RGL1: variants seen among roughly 807,000 people sequenced by gnomAD.
The protein encoded by RGL1 is ral guanine nucleotide dissociation stimulator like 1, also known as ral guanine nucleotide dissociation stimulator-like 1.
Under a neutral mutation model 95.2 loss-of-function variants are expected in RGL1, and 24 were observed. The ratio of observed to expected loss-of-function variants is 0.25; its 90% CI spans 0.18 to 0.35. The LOEUF is 0.35. RGL1 is among the 10% of genes least tolerant of loss of function. The pLI, the probability that RGL1 is intolerant of heterozygous loss-of-function variation, is 1.00. For synonymous variants in RGL1, 329 were observed against 344.9 expected, an observed-to-expected ratio of 0.95 and a Z score of 0.51; for missense variants, 715 against 936.3, an observed-to-expected ratio of 0.76 and a Z score of 3.08.
chr1:183,911,499 C>G (rs774761240), intron 14 of RGL1, among the ~76,000 whole-genome samples: 1 of 152,220 alleles, frequency 6.6e-6, no homozygotes, highest in African/African-American at 2.4e-5. Flanking sequence ...TCCCACTCCC[C>G]CACCAGAGCA....
intron 2 of RGL1, among the ~76,000 whole-genome samples, chr1:183,763,352 C>A (rs899481781): frequency 6.6e-6 from 1 of 152,056 alleles, no homozygotes; most frequent in East Asian, 1.9e-4. Flanking sequence ...CAAACCTGCA[C>A]GTTCTGCACA....
intron 1 of RGL1, among the ~76,000 whole-genome samples, chr1:183,656,402 T>C (rs1021110349): frequency 6.6e-6 from 1 of 152,242 alleles, no homozygotes; most frequent in Non-Finnish European, 1.5e-5. Context: ...AAGTTCAGCC[T>C]AAAGGTTTCT....
At chr1:183,723,225 T>C (rs914448405) in intron 1 of RGL1, among the ~76,000 whole-genome samples, 1 of 152,188 alleles carries the variant, frequency 6.6e-6, no homozygotes, top group Non-Finnish European at 1.5e-5. Context: ...AATTTAAAAA[T>C]ACTCAGCTAG....
rs1666105328 is a variant in RGL1, at chr1:183,870,379, AG to A, written c.425+4308del. 4.7e-5 allele frequency among the ~76,000 whole-genome samples: 5 copies of A among 105,830 alleles called. No homozygotes were observed. In the East Asian group the frequency reaches 1.2e-3, roughly 24 times the overall value. The allele number at this position is 105,830 out of a possible 152,430, so 69.4% of individuals were successfully genotyped here. On this transcript the variant is annotated intron_variant, in intron 4 of 17. Transcript: ENST00000360851. ...AGGGTAGTTGTCTTCCGGCCAGGGTAGGTGTCTTCCGGCCAGGGTAGTTGTC... is the reference window on the plus strand; with the variant it reads ...AGGGTAGTTGTCTTCCGGCCAGGGTAGTGTCTTCCGGCCAGGGTAGTTGTC...
At chr1:183,849,451 T>C (rs1306480526) in intron 3 of RGL1, among the ~76,000 whole-genome samples, 1 of 151,298 alleles carries the variant, frequency 6.6e-6, no homozygotes, top group Non-Finnish European at 1.5e-5. Flanking sequence ...GGTTATTATA[T>C]GGATAGACAT....
At chr1:183,912,003 A>T in intron 14 of RGL1, 79 bp from the exon 15 acceptor site, 1 of 1,270,236 alleles carries the variant, frequency 7.9e-7, no homozygotes. Flanking sequence ...TCAAGGGCTT[A>T]ATCAACACAA....
At chr1:183,908,423 G>A (rs184282337) in intron 14 of RGL1, among the ~76,000 whole-genome samples, 13 of 152,276 alleles carry the variant, frequency 8.5e-5, no homozygotes, top group East Asian at 1.9e-4. Context: ...TGGAACATGC[G>A]CTTTAGTAGA....
chr1:183,691,142 G>A (rs1653923958), intron 1 of RGL1, among the ~76,000 whole-genome samples: 1 of 152,178 alleles, frequency 6.6e-6, no homozygotes, highest in South Asian at 2.1e-4. Context: ...TTTGAATGTA[G>A]GGATTTGCCT....
upstream of RGL1, among the ~76,000 whole-genome samples, chr1:183,801,511 C>T (rs774702321): frequency 3.3e-5 from 5 of 152,070 alleles, no homozygotes; most frequent in Non-Finnish European, 7.4e-5. Context: ...TGTACTTTCA[C>T]TTCTCTAATT....
intron 11 of RGL1, among the ~76,000 whole-genome samples, chr1:183,900,840 AG>A (rs1406888894): frequency 6.6e-6 from 1 of 151,862 alleles, no homozygotes; most frequent in Non-Finnish European, 1.5e-5. Context: ...TGTGATGAAC[AG>A]GGCTCATGAA....
chr1:183,879,434 T>TA (rs964328470), intron 4 of RGL1, among the ~76,000 whole-genome samples: 4 of 152,226 alleles, frequency 2.6e-5, no homozygotes, highest in African/African-American at 4.8e-5. Context: ...GTTTGTTAAC[T>TA]AAAAAAACAA....
Position 183,845,060 on chromosome 1 carries a change from G to T in RGL1, c.139-2506G>T, listed in dbSNP as rs565663699. On this transcript the variant is annotated intron_variant, in intron 2 of 17. Transcript: ENST00000360851. Reference sequence around the variant, plus strand: ...TTCTGACAGGCCAGGTGAAGGAAAAGCAAACATGCTACTTAGTAAGCACAA... The same window carrying T: ...TTCTGACAGGCCAGGTGAAGGAAAATCAAACATGCTACTTAGTAAGCACAA... Among the ~76,000 whole-genome samples the T allele has an allele frequency of 7.2e-5, 11 of 152,310 alleles. No homozygotes were observed. In the East Asian group the frequency reaches 2.1e-3, roughly 29 times the overall value.
At chr1:183,681,854 C>A (rs1336614541) in intron 1 of RGL1, among the ~76,000 whole-genome samples, 1 of 152,134 alleles carries the variant, frequency 6.6e-6, no homozygotes, top group Non-Finnish European at 1.5e-5. Flanking sequence ...AATTTAAGAA[C>A]TTGTTATTGG....
At chr1:183,797,881 A>G (rs975911428) in intron 2 of RGL1, among the ~76,000 whole-genome samples, 1 of 152,252 alleles carries the variant, frequency 6.6e-6, no homozygotes, top group African/African-American at 2.4e-5. Flanking sequence ...TCATAGGGAT[A>G]TTGGAAGAAA....
At position 183,833,013 on chromosome 1, in the gene RGL1, C is replaced by T. The variant is rs147720298; in HGVS notation, c.139-14553C>T. On this transcript the variant is annotated intron_variant, in intron 2 of 17. Coordinates refer to ENST00000360851, the MANE Select transcript of RGL1 (RefSeq NM_001297671.3). ...AAACTCTGTAGGCTAATCATAATAC[C>T]GTCCCTTTTTGTAGGAACACCTATT... Among the ~76,000 whole-genome samples the T allele has an allele frequency of 7.5e-3, 1,138 of 152,158 alleles. 11 individuals are homozygous for T. Among genetic ancestry groups the T allele is most frequent in the Non-Finnish European group, 9.2e-3 (623 of 68,002 alleles).
At chr1:183,757,959 G>A (rs1484462420) in intron 2 of RGL1, among the ~76,000 whole-genome samples, 1 of 152,088 alleles carries the variant, frequency 6.6e-6, no homozygotes, top group African/African-American at 2.4e-5. Context: ...TCCTGGCCAG[G>A]GCATCAACTT....
chr1:183,685,488 C>T (rs1653518508), intron 1 of RGL1, among the ~76,000 whole-genome samples: 1 of 152,162 alleles, frequency 6.6e-6, no homozygotes, highest in South Asian at 2.1e-4. Flanking sequence ...CAGTTTTCTA[C>T]AAGACCTTTT....
At chr1:183,738,048 T>C (rs1469034648) in intron 1 of RGL1, among the ~76,000 whole-genome samples, 1 of 152,250 alleles carries the variant, frequency 6.6e-6, no homozygotes, top group Non-Finnish European at 1.5e-5. Flanking sequence ...TCATATTATC[T>C]GATGATTCTG....
chr1:183,822,503 G>C (rs895375026), intron 2 of RGL1, among the ~76,000 whole-genome samples: 1 of 152,036 alleles, frequency 6.6e-6, no homozygotes, highest in Non-Finnish European at 1.5e-5. Flanking sequence ...AGGAACAGGC[G>C]GCCTTTTGCC....
Sources: allele counts gnomAD v4.1 joint callset (sites outside exome capture counted in the v4.1 genomes callset), GRCh38; gene constraint gnomAD v4.1.1; transcripts MANE v1.5; gene names NCBI Gene and HGNC (gene_info 2026-07-23, HGNC 2026-07-21).